The following ENTPD3 variants were observed in gnomAD, a reference collection of about 807,000 sequenced individuals.
ENTPD3 encodes ectonucleoside triphosphate diphosphohydrolase 3.
Under a neutral mutation model 51.2 loss-of-function variants are expected in ENTPD3, and 60 were observed. That is an observed-to-expected ratio of 1.17 (90% confidence interval 0.95 to 1.45). ENTPD3 has a LOEUF of 1.45. Ranked by LOEUF, ENTPD3 falls within the 40% of genes most tolerant of loss-of-function variation. The pLI is 0.00. For synonymous variants in ENTPD3, 221 were observed against 238.4 expected, an observed-to-expected ratio of 0.93 and a Z score of 0.67; for missense variants, 593 against 641.1, an observed-to-expected ratio of 0.93 and a Z score of 0.81.
chr3:40,408,980 G>T (rs1033640510), intron 4 of ENTPD3, among the ~76,000 whole-genome samples: 1 of 151,940 alleles, frequency 6.6e-6, no homozygotes, highest in Non-Finnish European at 1.5e-5. Flanking sequence ...CATACAGGCT[G>T]GGTGCAGTGG....
At chr3:40,406,705 G>A (rs1017378962) in intron 4 of ENTPD3, among the ~76,000 whole-genome samples, 1 of 152,142 alleles carries the variant, frequency 6.6e-6, no homozygotes, top group Admixed American at 6.5e-5. Flanking sequence ...GGTCCGTGGT[G>A]CTACTAGCAT....
At chr3:40,404,716 A>G (rs1050937495) in intron 4 of ENTPD3, among the ~76,000 whole-genome samples, 3 of 152,232 alleles carry the variant, frequency 2.0e-5, no homozygotes, top group Non-Finnish European at 4.4e-5. Flanking sequence ...GTTGAAGGTC[A>G]GCAAGTGTCA....
At chr3:40,427,021 G>A (rs181095491) in intron 10 of ENTPD3, among the ~76,000 whole-genome samples, 5 of 152,236 alleles carry the variant, frequency 3.3e-5, no homozygotes, top group African/African-American at 7.2e-5. Flanking sequence ...TAACTGTGCC[G>A]TCTTCACTCT....
rs1396173096 is a variant in ENTPD3, at chr3:40,427,904, T to C, written c.*396T>C. On this transcript the variant is annotated 3_prime_UTR_variant, in exon 11 of 11. Coordinates refer to ENST00000301825, the MANE Select transcript of ENTPD3 (RefSeq NM_001248.4). ...TTCCTGGCAAGATACCCATTAAGCA[T>C]TTCGCCAATCAGAATCTCATTTTAT... 4.7e-6 allele frequency: 1 copy of C among 213,336 alleles called. No individual in the cohort carries two copies. Among genetic ancestry groups the C allele is most frequent in the Non-Finnish European group, 9.5e-6 (1 of 105,178 alleles). The allele number at this position is 213,336 out of a possible 1,614,324, so 13.2% of individuals were successfully genotyped here.
chr3:40,391,893 T>A, intron 2 of ENTPD3, 130 bp from the exon 3 acceptor site: 2 of 1,019,086 alleles, frequency 2.0e-6, no homozygotes, highest in South Asian at 2.8e-5. Context: ...CTTAGAAGTG[T>A]GGGTCTCGCT....
intron 7 of ENTPD3, 62 bp downstream of exon 7, chr3:40,416,135 A>C: frequency 8.3e-7 from 1 of 1,212,040 alleles, no homozygotes; most frequent in Non-Finnish European, 1.2e-6. Context: ...TGAGGGGAGA[A>C]TGCCCTGCCT....
chr3:40,395,370 G>T (rs1955173981), intron 3 of ENTPD3, among the ~76,000 whole-genome samples: 1 of 152,228 alleles, frequency 6.6e-6, no homozygotes, highest in African/African-American at 2.4e-5. Flanking sequence ...AGAGGGCACT[G>T]TTGAAGGAGA....
intron 7 of ENTPD3, among the ~76,000 whole-genome samples, chr3:40,417,667 C>T (rs1188010898): frequency 6.6e-6 from 1 of 152,198 alleles, no homozygotes; most frequent in Non-Finnish European, 1.5e-5. Context: ...CTACAGGTAA[C>T]TCAATCAACC....
At chr3:40,426,027 T>G (rs1955975204) in intron 10 of ENTPD3, among the ~76,000 whole-genome samples, 1 of 151,390 alleles carries the variant, frequency 6.6e-6, no homozygotes, top group African/African-American at 2.4e-5. Flanking sequence ...TAAGGAGTTA[T>G]AAGATACAGG....
chr3:40,414,883 C>G (rs573202419), intron 6 of ENTPD3, 43 bp downstream of exon 6: 2 of 1,603,076 alleles, frequency 1.2e-6, no homozygotes, highest in East Asian at 2.2e-5. Context: ...TACTGTTTAT[C>G]CTATCCCCTG....
intron 3 of ENTPD3, chr3:40,392,538 G>C (rs980054578): frequency 6.3e-6 from 1 of 159,602 alleles, no homozygotes; most frequent in African/African-American, 2.5e-5. Flanking sequence ...ACGAGTTCGA[G>C]ACTAGCTTGG....
intron 7 of ENTPD3, 27 bp from the exon 8 acceptor site, chr3:40,422,823 T>C: frequency 6.3e-7 from 1 of 1,592,168 alleles, no homozygotes; most frequent in Non-Finnish European, 8.5e-7. Context: ...AACATACGTG[T>C]CTAACACCTT....
intron 4 of ENTPD3, among the ~76,000 whole-genome samples, chr3:40,407,641 A>T (rs1398086142): frequency 6.6e-6 from 1 of 152,166 alleles, no homozygotes; most frequent in Non-Finnish European, 1.5e-5. Context: ...AGCTCATCTA[A>T]GGAGTGAATA....
At position 40,394,808 on chromosome 3, in the gene ENTPD3, T is replaced by C. The variant is rs184094919; in HGVS notation, c.168+2658T>C. 4.8e-3 allele frequency among the ~76,000 whole-genome samples: 724 copies of C among 152,248 alleles called. 1 individual carries two copies. Among genetic ancestry groups the C allele is most frequent in the African/African-American group, 0.017 (700 of 41,540 alleles). On this transcript the variant is annotated intron_variant, in intron 3 of 10. Coordinates refer to ENST00000301825, the MANE Select transcript of ENTPD3 (RefSeq NM_001248.4). ...GTTTGTTGAATTGAAGGAGAGGAGT[T>C]AAGCCTAGTACCACCCTTAGACCCT...
chr3:40,414,439 T>C (rs530917255), intron 5 of ENTPD3, among the ~76,000 whole-genome samples: 2 of 152,258 alleles, frequency 1.3e-5, no homozygotes, highest in African/African-American at 4.8e-5. Context: ...AAATTGTACT[T>C]ATGCTGAAAG....
At chr3:40,400,841 A>T in intron 3 of ENTPD3, 53 bp from the exon 4 acceptor site, 1 of 1,379,802 alleles carries the variant, frequency 7.2e-7, no homozygotes, top group Non-Finnish European at 1.0e-6. Flanking sequence ...CTGAGAAAGC[A>T]GTCCTCAGAG....
intron 7 of ENTPD3, among the ~76,000 whole-genome samples, chr3:40,421,831 T>C (rs536742329): frequency 2.0e-5 from 3 of 152,278 alleles, no homozygotes; most frequent in African/African-American, 7.2e-5. Flanking sequence ...AAAATATATA[T>C]ATTTGCATGT....
At chr3:40,424,274 T>C (rs796429003) in intron 10 of ENTPD3, 1 of 538,126 alleles carries the variant, frequency 1.9e-6, no homozygotes. Flanking sequence ...GCCTAGAAGG[T>C]ACTTAGTAAA....
chr3:40,406,441 C>T (rs72861696), intron 4 of ENTPD3, among the ~76,000 whole-genome samples: 4,597 of 152,242 alleles, frequency 0.03, 252 homozygotes, highest in African/African-American at 0.11. Flanking sequence ...TATTGGGAAG[C>T]CATTAGAAGA....
Sources: allele counts gnomAD v4.1 joint callset (sites outside exome capture counted in the v4.1 genomes callset), GRCh38; gene constraint gnomAD v4.1.1; transcripts MANE v1.5; gene names NCBI Gene and HGNC (gene_info 2026-07-23, HGNC 2026-07-21).